CFAP54: variants seen among roughly 807,000 people sequenced by gnomAD.
CFAP54 encodes the protein cilia- and flagella-associated protein 54.
Under a neutral mutation model 370.4 loss-of-function variants are expected in CFAP54, and 290 were observed. That is an observed-to-expected ratio of 0.78 (90% CI 0.71 to 0.86). The LOEUF (loss-of-function observed/expected upper bound fraction) is 0.86, where lower values mean the gene tolerates loss of function less well. Ranked by LOEUF, CFAP54 falls within the 40% of genes least tolerant of loss-of-function variation. The pLI, the probability that CFAP54 is intolerant of heterozygous loss-of-function variation, is 0.00. For missense variants in CFAP54, 3,399 were observed against 3,528.7 expected, an observed-to-expected ratio of 0.96 and a Z score of 0.93; for synonymous variants, 1,206 against 1,236.5, an observed-to-expected ratio of 0.98 and a Z score of 0.52.
intron 26 of CFAP54, among the ~76,000 whole-genome samples, chr12:96,618,166 T>C (rs1956443732): frequency 6.6e-6 from 1 of 152,106 alleles, no homozygotes; most frequent in African/African-American, 2.4e-5. Flanking sequence ...CAGGGGCTAC[T>C]GCAATGTCTT....
chr12:96,828,077 T>C (rs527266224), intron 65 of CFAP54, among the ~76,000 whole-genome samples: 1 of 130,026 alleles, frequency 7.7e-6, no homozygotes, highest in East Asian at 2.0e-4. Flanking sequence ...TATAATTATA[T>C]ATTATATATA....
chr12:96,536,982 T>TCAATA (rs1181248441), intron 12 of CFAP54, among the ~76,000 whole-genome samples: 7 of 83,068 alleles, frequency 8.4e-5, no homozygotes, highest in African/African-American at 3.0e-4. Flanking sequence ...TCAATTCAAT[T>TCAATA]CAATACAATT....
intron 23 of CFAP54, among the ~76,000 whole-genome samples, chr12:96,590,788 T>G (rs749421028): frequency 2.0e-5 from 3 of 152,152 alleles, no homozygotes; most frequent in Non-Finnish European, 4.4e-5. Context: ...TAGAACAAGT[T>G]CTTAGAGGAA....
chr12:96,670,409 C>G (rs1398623389), intron 39 of CFAP54, among the ~76,000 whole-genome samples: 2 of 152,146 alleles, frequency 1.3e-5, no homozygotes, highest in African/African-American at 4.8e-5. Flanking sequence ...ATTTTTCAGG[C>G]AGGAAAAAGA....
At chr12:96,592,858 G>A (rs930901091) in intron 24 of CFAP54, among the ~76,000 whole-genome samples, 1 of 152,042 alleles carries the variant, frequency 6.6e-6, no homozygotes, top group Non-Finnish European at 1.5e-5. Flanking sequence ...CCCCCTGTGT[G>A]TAAAAGTATT....
chr12:96,871,815 A>C (rs1414167193), intron 67 of CFAP54, among the ~76,000 whole-genome samples: 1 of 152,168 alleles, frequency 6.6e-6, no homozygotes, highest in Non-Finnish European at 1.5e-5. Context: ...TTTTTTTAAA[A>C]AATAGTACAC....
At chr12:96,624,553 T>TTAC (rs1956531317) in intron 28 of CFAP54, among the ~76,000 whole-genome samples, 1 of 152,186 alleles carries the variant, frequency 6.6e-6, no homozygotes, top group Non-Finnish European at 1.5e-5. Context: ...GCCTGGAAGG[T>TTAC]TACTTGGGAA....
chr12:96,758,920 T>G (rs193236837), intron 58 of CFAP54, among the ~76,000 whole-genome samples: 194 of 152,286 alleles, frequency 1.3e-3, no homozygotes, highest in Middle Eastern at 3.4e-3. Context: ...GGTTCTAGAC[T>G]CAGGGAGATC....
At chr12:96,719,567 A>G (rs546052944) in intron 49 of CFAP54, among the ~76,000 whole-genome samples, 1 of 152,318 alleles carries the variant, frequency 6.6e-6, no homozygotes, top group East Asian at 1.9e-4. Context: ...TGTGTTTGCT[A>G]ATTTGCAGAT....
chr12:96,774,608 GTT>G (rs1555327009), intron 60 of CFAP54, among the ~76,000 whole-genome samples: 1 of 151,976 alleles, frequency 6.6e-6, no homozygotes, highest in Non-Finnish European at 1.5e-5. Flanking sequence ...TTTTTTATGT[GTT>G]AAGTCTGGAA....
chr12:96,601,320 T>TG (rs751355709), intron 26 of CFAP54, among the ~76,000 whole-genome samples: 1 of 152,214 alleles, frequency 6.6e-6, no homozygotes, highest in Non-Finnish European at 1.5e-5. Flanking sequence ...TTGATCGTGG[T>TG]GGATAAGCTT....
At chr12:96,851,036 A>T (rs1259948665) in intron 66 of CFAP54, among the ~76,000 whole-genome samples, 1 of 152,172 alleles carries the variant, frequency 6.6e-6, no homozygotes, top group Non-Finnish European at 1.5e-5. Flanking sequence ...ATGTGGGCTC[A>T]CTTTAATACA....
chr12:96,664,791 A>ATCTATCTATC (rs1565934564), intron 39 of CFAP54, among the ~76,000 whole-genome samples: 1 of 15,364 alleles, frequency 6.5e-5, no homozygotes, highest in African/African-American at 2.2e-4. Context: ...ATATATATAT[A>ATCTATCTATC]TATATATATA....
At chr12:96,553,129 C>G (rs1185740533) in intron 15 of CFAP54, among the ~76,000 whole-genome samples, 1 of 152,150 alleles carries the variant, frequency 6.6e-6, no homozygotes, top group African/African-American at 2.4e-5. Flanking sequence ...TATCTTGGCT[C>G]TTTCATGCCT....
At position 96,837,494 on chromosome 12, in the gene CFAP54, TG is replaced by T. The variant is rs749269556; in HGVS notation, c.9171+8407del. Among the ~76,000 whole-genome samples, 904 of 152,342 alleles carry T rather than the reference TG, an allele frequency of 5.9e-3. 3 individuals are homozygous for T. Among genetic ancestry groups the T allele is most frequent in the Non-Finnish European group, 9.5e-3 (645 of 68,030 alleles). On this transcript the variant is annotated intron_variant, in intron 66 of 67. Transcript: ENST00000524981. ...ACTTAATAGTTTTTATCAAAATAAA[TG>T]TGTTATTATGATGTGCTTGCATATT...
rs191670973 is a variant in CFAP54, at chr12:96,566,496, T to A, written c.2619+1731T>A. ...CATTTGTGGAGGATTAGATTTTTTT[T>A]AAAAAAAATGAAGGTATGAGTTAAA... On this transcript the variant is annotated intron_variant, in intron 19 of 67. Coordinates refer to ENST00000524981, the MANE Select transcript of CFAP54 (RefSeq NM_001306084.2). Among the ~76,000 whole-genome samples, 918 of 151,926 alleles carry A rather than the reference T, an allele frequency of 6.0e-3. 4 individuals are homozygous for A. The highest frequency in any genetic ancestry group is 0.01 in the Middle Eastern group (3 of 294).
At chr12:96,819,799 T>G (rs1959011504) in intron 65 of CFAP54, among the ~76,000 whole-genome samples, 1 of 152,192 alleles carries the variant, frequency 6.6e-6, no homozygotes, top group African/African-American at 2.4e-5. Flanking sequence ...TATTCATATT[T>G]ATCAAATAAT....
At chr12:96,579,467 T>G (rs1956010826) in intron 20 of CFAP54, among the ~76,000 whole-genome samples, 1 of 152,208 alleles carries the variant, frequency 6.6e-6, no homozygotes. Context: ...GAGAACCACT[T>G]GTGTCAATTG....
chr12:96,848,703 GA>G lies in CFAP54; in HGVS notation c.9172-12107del, dbSNP rs573307075. ...CAGAACGAGACTCCGTCTCAAGAAA[GA>G]AAAAAAAAGATTTCTACTGTCTCAC... On this transcript the variant is annotated intron_variant, in intron 66 of 67. Coordinates refer to ENST00000524981, the MANE Select transcript of CFAP54 (RefSeq NM_001306084.2). Among the ~76,000 whole-genome samples the G allele has an allele frequency of 6.5e-4, 97 of 150,030 alleles. 1 individual carries two copies. Among genetic ancestry groups the G allele is most frequent in the African/African-American group, 2.1e-3 (87 of 40,988 alleles).
Sources: allele counts gnomAD v4.1 joint callset (sites outside exome capture counted in the v4.1 genomes callset), GRCh38; gene constraint gnomAD v4.1.1; transcripts MANE v1.5; gene names NCBI Gene and HGNC (gene_info 2026-07-23, HGNC 2026-07-21).